The following POLQ variants were observed in gnomAD, a reference collection of about 807,000 sequenced individuals.
POLQ encodes epididymis secretory sperm binding protein.
In POLQ, 233 loss-of-function variants were observed where a neutral mutation model predicts 259.2. The ratio of observed to expected loss-of-function variants is 0.90; its 90% CI spans 0.81 to 1.00. POLQ has a LOEUF of 1.00. Ranked by LOEUF, POLQ falls within the 50% of genes least tolerant of loss-of-function variation. POLQ has a pLI of 0.00. For synonymous variants in POLQ, 1,025 were observed against 1,048.8 expected (o/e 0.98, Z 0.44); for missense variants, 2,871 against 3,051.6 (o/e 0.94, Z 1.39).
At chr3:121,454,474 T>C (rs1337859558) in intron 25 of POLQ, among the ~76,000 whole-genome samples, 1 of 152,168 alleles carries the variant, frequency 6.6e-6, no homozygotes, top group African/African-American at 2.4e-5. Flanking sequence ...CAGTGTGCTG[T>C]ATTCAGGAGA....
intron 19 of POLQ, among the ~76,000 whole-genome samples, chr3:121,478,468 C>T: frequency 7.2e-6 from 1 of 139,200 alleles, no homozygotes; most frequent in African/African-American, 2.7e-5. Context: ...ACTTACAAAA[C>T]AAAAAGTGAC....
chr3:121,472,161 C>T lies in POLQ; in HGVS notation c.6547G>A (p.Val2183Ile), dbSNP rs3218648. The T allele has an allele frequency of 2.6e-3, 3,716 of 1,415,738 alleles. 88 individuals are homozygous for T. In the African/African-American group the frequency reaches 0.048, roughly 18 times the overall value. The allele number at this position is 1,415,738 out of a possible 1,614,324, so 87.7% of individuals were successfully genotyped here. ...LGRQFSTSKD[V>I]LNKLKALHPL... Reference sequence around the variant, plus strand: ...TGTAATGCCTTTAATTTATTTAAAACGTCCTGCCAAAAAAATATAAGGTAA... The same window carrying T: ...TGTAATGCCTTTAATTTATTTAAAATGTCCTGCCAAAAAAATATAAGGTAA... Residue 2183 changes from valine to isoleucine, a missense_variant, in exon 22 of 30, where the codon GTT (valine) becomes ATT (isoleucine). Physicochemically the swap from Val to Ile is conservative, Grantham distance 29. Transcript: ENST00000264233.
intron 25 of POLQ, among the ~76,000 whole-genome samples, chr3:121,459,369 A>ATTTTTT (rs58859161): frequency 3.2e-4 from 34 of 104,752 alleles, no homozygotes; most frequent in African/African-American, 4.2e-4. Context: ...GACTAGAAAG[A>ATTTTTT]TTTTTTTTTT....
At chr3:121,460,954 A>T (rs992128134) in intron 24 of POLQ, among the ~76,000 whole-genome samples, 5 of 152,240 alleles carry the variant, frequency 3.3e-5, no homozygotes, top group Admixed American at 3.3e-4. Context: ...CCCTTTCATA[A>T]GAAGAGTTGT....
At chr3:121,453,380 G>A (rs1359643361) in intron 25 of POLQ, among the ~76,000 whole-genome samples, 2 of 152,224 alleles carry the variant, frequency 1.3e-5, no homozygotes, top group Non-Finnish European at 2.9e-5. Context: ...ACGGAACAAA[G>A]CTGGATGGAG....
rs1328115685 is a variant in POLQ, at chr3:121,465,521, G to GT, written c.6967+1997dup. Among the ~76,000 whole-genome samples, 170 of 151,550 alleles carry GT rather than the reference G, an allele frequency of 1.1e-3. 1 individual carries two copies. The East Asian group carries it at 0.014, about 13-fold the overall frequency. ...TTATTATGCCTCACAGATATTGCAG[G>GT]TTTTTTTCTTAAAGAAATTAAAGGT... is the stretch of plus-strand genomic sequence containing the variant. On this transcript the variant is annotated intron_variant, in intron 24 of 29. Transcript: ENST00000264233.
chr3:121,490,104 T>A lies in POLQ; in HGVS notation c.2827A>T (p.Ile943Leu). Residue 943 changes from isoleucine (I) to leucine (L), a missense_variant, in exon 16 of 30, where the codon ATA (isoleucine) becomes TTA (leucine). Ile to Leu is a conservative substitution (Grantham distance 5). Around this residue, in one of 3 missense-constraint regions of POLQ, gnomAD observed 2,080 missense variants for 2,126.0 expected, o/e 0.98. Coordinates refer to ENST00000264233, the MANE Select transcript of POLQ (RefSeq NM_199420.4). ...TGCTTAATATAAGAATCACTAAATATTGTGTTACTTTTGTTCTTTGATGTT... is the reference window on the plus strand; with the variant it reads ...TGCTTAATATAAGAATCACTAAATAATGTGTTACTTTTGTTCTTTGATGTT... ...KLTSKNKSNT[I>L]FSDSYIKHSP... The A allele has an allele frequency of 6.2e-7, 1 of 1,600,202 alleles. No homozygotes were observed. The highest frequency in any genetic ancestry group is 8.5e-7 in the Non-Finnish European group (1 of 1,170,962).
chr3:121,472,214 C>A (rs757308076), intron 21 of POLQ, 50 bp from the exon 22 acceptor site: 1 of 853,426 alleles, frequency 1.2e-6, no homozygotes, highest in South Asian at 2.5e-5. Context: ...AATTCCACAG[C>A]AAGCTAGAAT....
chr3:121,492,801 ATT>A (rs35516373), intron 15 of POLQ, among the ~76,000 whole-genome samples: 74,979 of 124,528 alleles, frequency 0.6, 22,139 homozygotes, highest in East Asian at 0.86. Flanking sequence ...ATGCCCAGCT[ATT>A]TTTTTTTTTT....
intron 25 of POLQ, among the ~76,000 whole-genome samples, chr3:121,455,564 C>A (rs1457301500): frequency 2.0e-5 from 3 of 151,946 alleles, no homozygotes; most frequent in Admixed American, 6.6e-5. Context: ...CACCACCGAT[C>A]CCACAGAAAT....
At chr3:121,516,006 A>C (rs1360276660) in intron 9 of POLQ, among the ~76,000 whole-genome samples, 1 of 152,012 alleles carries the variant, frequency 6.6e-6, no homozygotes, top group African/African-American at 2.4e-5. Flanking sequence ...GAGAAATCTT[A>C]GAGATGAAGA....
chr3:121,440,223 A>C (rs931184740), intron 26 of POLQ, 107 bp from the exon 27 acceptor site: 2 of 743,698 alleles, frequency 2.7e-6, no homozygotes, highest in Admixed American at 5.3e-5. Context: ...ATGATTCTTA[A>C]CATTAATATC....
chr3:121,471,668 G>T (rs900126145), intron 22 of POLQ, among the ~76,000 whole-genome samples: 1 of 152,092 alleles, frequency 6.6e-6, no homozygotes, highest in Non-Finnish European at 1.5e-5. Context: ...CTTGAACCTG[G>T]GAGGCAGAGG....
chr3:121,462,109 G>T (rs1422017996), intron 24 of POLQ, among the ~76,000 whole-genome samples: 1 of 152,000 alleles, frequency 6.6e-6, no homozygotes, highest in African/African-American at 2.4e-5. Flanking sequence ...ATGTTCAATT[G>T]GTAAATATTC....
rs1436037001 is a variant in POLQ at position 121,483,388 on chromosome 3, T to G, written c.5968A>C (p.Lys1990Gln). Residue 1990 changes from lysine to glutamine, a missense_variant and splice_region_variant, in exon 18 of 30, where the codon AAG (lysine) becomes CAG (glutamine). Around this residue, in one of 3 missense-constraint regions of POLQ, gnomAD observed 2,080 missense variants for 2,126.0 expected, o/e 0.98. Transcript: ENST00000264233. ...ISLEQSYEDP[K>Q]VACWLLDPDS... ...AAAAATTAAATTAGACATAGAACCT[T>G]AGGATCTTCATAACTTTGCTCCAAG... The G allele has an allele frequency of 6.5e-7, 1 of 1,533,490 alleles. No homozygotes were observed. The highest frequency in any genetic ancestry group is 8.7e-7 in the Non-Finnish European group (1 of 1,144,240). The allele number at this position is 1,533,490 out of a possible 1,614,324, so 95.0% of individuals were successfully genotyped here.
chr3:121,511,435 A>G (rs893102643), intron 10 of POLQ, among the ~76,000 whole-genome samples: 1 of 152,014 alleles, frequency 6.6e-6, no homozygotes, highest in Non-Finnish European at 1.5e-5. Flanking sequence ...CATTAAATTC[A>G]TCTGAAATTT....
intron 12 of POLQ, among the ~76,000 whole-genome samples, chr3:121,502,803 T>C (rs1344686031): frequency 6.6e-6 from 1 of 152,140 alleles, no homozygotes; most frequent in Non-Finnish European, 1.5e-5. Flanking sequence ...TTGCAACACA[T>C]AATGATGTAA....
At chr3:121,523,961 A>G (rs1203317413) in intron 7 of POLQ, among the ~76,000 whole-genome samples, 1 of 152,216 alleles carries the variant, frequency 6.6e-6, no homozygotes, top group Non-Finnish European at 1.5e-5. Flanking sequence ...ACTTCAAAAA[A>G]AGACATTTAA....
chr3:121,454,774 A>T (rs151172168), intron 25 of POLQ, among the ~76,000 whole-genome samples: 1 of 152,288 alleles, frequency 6.6e-6, no homozygotes, highest in South Asian at 2.1e-4. Context: ...CTCCCACACA[A>T]TAATAATGGG....
Sources: gnomAD v4.1 joint callset for allele counts (sites outside exome capture counted in the v4.1 genomes callset) on GRCh38, gnomAD v4.1.1 for gene constraint, gnomAD v4.1.1 regional missense constraint, MANE v1.5 for transcripts, NCBI Gene and HGNC (gene_info 2026-07-23, HGNC 2026-07-21) for gene names.